The following SLC39A14 variants were observed in gnomAD, a reference collection of about 807,000 sequenced individuals.
SLC39A14 encodes metal cation symporter ZIP14.
SLC39A14 carries 19 observed loss-of-function variants against 45.5 expected under a neutral mutation model. That is an observed-to-expected ratio of 0.42 (90% CI 0.29 to 0.61). The LOEUF (loss-of-function observed/expected upper bound fraction) is 0.61. Among genes scored for constraint, SLC39A14 ranks in the 20% least tolerant of loss-of-function variants. The probability of loss-of-function intolerance (pLI) is 0.22; values close to 1 mark genes in which losing one functional copy is unlikely to be tolerated. For missense variants in SLC39A14, 447 were observed against 616.5 expected, an observed-to-expected ratio of 0.73 and a Z score of 2.91; for synonymous variants, 264 against 251.3, an observed-to-expected ratio of 1.05 and a Z score of -0.48.
intron 4 of SLC39A14, among the ~76,000 whole-genome samples, chr8:22,413,751 TA>T (rs1563594999): frequency 6.6e-6 from 1 of 152,088 alleles, no homozygotes; most frequent in African/African-American, 2.4e-5. Context: ...AATTTAAGAA[TA>T]AAATAGGAGC....
intron 1 of SLC39A14, among the ~76,000 whole-genome samples, chr8:22,373,433 A>G (rs1187278301): frequency 6.6e-6 from 1 of 152,130 alleles, no homozygotes; most frequent in Non-Finnish European, 1.5e-5. Context: ...TGCTGTTAAG[A>G]AGTCAGTTAA....
At chr8:22,378,946 C>T (rs182051007) in intron 1 of SLC39A14, among the ~76,000 whole-genome samples, 6 of 152,298 alleles carry the variant, frequency 3.9e-5, no homozygotes, top group South Asian at 2.1e-4. Flanking sequence ...GGCTTAAAAA[C>T]GACAGAAATG....
downstream of SLC39A14, among the ~76,000 whole-genome samples, chr8:22,423,800 C>G (rs1261950508): frequency 3.3e-5 from 5 of 149,678 alleles, no homozygotes; most frequent in Non-Finnish European, 4.4e-5. Flanking sequence ...CTCTCTCTCT[C>G]TCTCTCTCTC....
At chr8:22,406,182 C>T (rs1053063440) in intron 2 of SLC39A14, among the ~76,000 whole-genome samples, 1 of 152,208 alleles carries the variant, frequency 6.6e-6, no homozygotes, top group Non-Finnish European at 1.5e-5. Flanking sequence ...GGCACTGTGG[C>T]TCACGCCTGT....
At chr8:22,432,221 A>C (rs1006295537) in intron 8 of SLC39A14, among the ~76,000 whole-genome samples, 1 of 152,098 alleles carries the variant, frequency 6.6e-6, no homozygotes, top group African/African-American at 2.4e-5. Flanking sequence ...GGTCCCAGCT[A>C]CTTGGGAGGC....
rs1023012489 is a variant in SLC39A14 at position 22,404,855 on chromosome 8, C to G, written c.145C>G (p.His49Asp). ...SAASFLQDLI[H>D]RYGEGDSLTL... ...TGCCTCCTTCCTGCAGGATCTAATA[C>G]ATCGGTATGGCGAGGGTGACAGCCT... is the stretch of plus-strand genomic sequence containing the variant. Residue 49 changes from histidine (H) to aspartate (D), a missense_variant, in exon 2 of 9, where the codon CAT becomes GAT. His to Asp is a moderately conservative substitution (Grantham distance 81). Coordinates refer to ENST00000381237, the MANE Select transcript of SLC39A14 (RefSeq NM_001128431.4). 6.2e-7 allele frequency: 1 copy of G among 1,614,218 alleles called. No homozygotes were observed. The highest frequency in any genetic ancestry group is 1.7e-5 in the Admixed American group (1 of 60,034).
At chr8:22,416,885 G>C (rs558181847) in intron 7 of SLC39A14, among the ~76,000 whole-genome samples, 29 of 152,282 alleles carry the variant, frequency 1.9e-4, no homozygotes, top group African/African-American at 6.7e-4. Context: ...ATAATAGTGA[G>C]GATTAAAGGA....
intron 1 of SLC39A14, among the ~76,000 whole-genome samples, chr8:22,396,731 G>A (rs1224818077): frequency 1.3e-5 from 2 of 149,252 alleles, no homozygotes; most frequent in South Asian, 2.2e-4. Flanking sequence ...GCTCTTCCCC[G>A]GTAGCTTTTC....
In SLC39A14 at chr8:22,421,375, A is replaced by G; in HGVS notation, c.*1677A>G. ...ACGTGAGCAGGAAAAACTGCTGGTG[A>G]TACTTTTTTTAAGTTTTGTTTTTAT... is the stretch of plus-strand genomic sequence containing the variant. On this transcript the variant is annotated 3_prime_UTR_variant, in exon 9 of 9. Coordinates refer to ENST00000381237, the MANE Select transcript of SLC39A14 (RefSeq NM_001128431.4). 1 of 985,886 alleles carries G rather than the reference A, an allele frequency of 1.0e-6. No homozygotes were observed. The highest frequency in any genetic ancestry group is 1.2e-6 in the Non-Finnish European group (1 of 829,932). 61.1% of individuals were successfully genotyped at this position (985,886 alleles called of 1,614,324 possible). A position where few individuals can be genotyped will look rare whatever the true frequency, so the allele number is the denominator to read the frequency against.
rs140759303 is a variant in SLC39A14, at chr8:22,387,459, T to C, written c.-15-17237T>C. Among the ~76,000 whole-genome samples, 43 of 152,338 alleles carry C rather than the reference T, an allele frequency of 2.8e-4. No individual in the cohort carries two copies. The East Asian group carries it at 7.3e-3, about 26-fold the overall frequency. On this transcript the variant is annotated intron_variant, in intron 1 of 8. Transcript: ENST00000381237. ...TAAGCCTTTAAGTCTGGTTAGAATT[T>C]TGATCCCTTGTTAATAGGCAGGCAG...
intron 7 of SLC39A14, among the ~76,000 whole-genome samples, chr8:22,416,881 G>A (rs1363834208): frequency 8.5e-5 from 13 of 152,174 alleles, no homozygotes; most frequent in Non-Finnish European, 1.5e-5. Context: ...TAGAATAATA[G>A]TGAGGATTAA....
At chr8:22,431,993 T>G (rs1836473764) in intron 8 of SLC39A14, among the ~76,000 whole-genome samples, 1 of 152,164 alleles carries the variant, frequency 6.6e-6, no homozygotes, top group African/African-American at 2.4e-5. Context: ...AGAAAAGACA[T>G]TGAGAAAGCA....
At chr8:22,432,510 G>C (rs1317159928) in intron 8 of SLC39A14, among the ~76,000 whole-genome samples, 5 of 145,972 alleles carry the variant, frequency 3.4e-5, no homozygotes, top group African/African-American at 1.3e-4. Context: ...ACAGGGTCTT[G>C]CTCTGCCACC....
intron 3 of SLC39A14, among the ~76,000 whole-genome samples, chr8:22,408,757 C>CT (rs918631835): frequency 6.6e-6 from 1 of 151,846 alleles, no homozygotes; most frequent in Admixed American, 6.6e-5. Flanking sequence ...CTATGGATCC[C>CT]TTTTTGGTCT....
At chr8:22,406,535 T>C (rs1385016051) in intron 2 of SLC39A14, among the ~76,000 whole-genome samples, 3 of 151,974 alleles carry the variant, frequency 2.0e-5, no homozygotes, top group Non-Finnish European at 2.9e-5. Flanking sequence ...CTGCTAAAAA[T>C]ACAAAAATTA....
chr8:22,402,057 A>C (rs145821003), intron 1 of SLC39A14, among the ~76,000 whole-genome samples: 2 of 152,126 alleles, frequency 1.3e-5, no homozygotes, highest in African/African-American at 4.8e-5. Flanking sequence ...TGAGGGATTT[A>C]TATATTTTCC....
downstream of SLC39A14, among the ~76,000 whole-genome samples, chr8:22,425,893 T>TTG (rs1169393746): frequency 1.5e-4 from 20 of 136,528 alleles, 1 homozygote; most frequent in South Asian, 5.3e-4. Flanking sequence ...GTTTTTGTTT[T>TTG]TTTTTTGTTT....
chr8:22,405,188 C>A (rs1835142525), intron 2 of SLC39A14, among the ~76,000 whole-genome samples: 1 of 152,328 alleles, frequency 6.6e-6, no homozygotes, highest in Admixed American at 6.5e-5. Flanking sequence ...CCTTCTGACC[C>A]CCTGCATAGG....
Position 22,415,934 on chromosome 8 carries a change from A to G in SLC39A14, c.916A>G (p.Ile306Val). The G allele has an allele frequency of 5.0e-6, 8 of 1,606,920 alleles. No homozygotes were observed. The highest frequency in any genetic ancestry group is 6.8e-6 in the Non-Finnish European group (8 of 1,175,728). The change falls in exon 6 of 9, where the codon ATT (isoleucine) becomes GTT (valine). Residue 306 changes from isoleucine (I) to valine (V), a missense_variant. Around this residue, in one of 2 missense-constraint regions of SLC39A14, gnomAD observed 342 missense variants for 428.1 expected, o/e 0.80. Transcript: ENST00000381237. Reference protein sequence around the residue: ...GKAPMVDEKVIVGSLSVQDLQ... With the variant: ...GKAPMVDEKVVVGSLSVQDLQ... ...GGCGCCCATGGTGGACGAGAAGGTC[A>G]TTGTGGGCTCGCTCTCTGTGCAGGT...
Sources: gnomAD v4.1 joint callset for allele counts (sites outside exome capture counted in the v4.1 genomes callset) on GRCh38, gnomAD v4.1.1 for gene constraint, gnomAD v4.1.1 regional missense constraint, MANE v1.5 for transcripts, NCBI Gene and HGNC (gene_info 2026-07-23, HGNC 2026-07-21) for gene names.